MAF: variants seen among roughly 807,000 people sequenced by gnomAD.
MAF encodes MAF bZIP transcription factor.
A neutral mutation model predicts 22.0 loss-of-function variants in MAF; 10 were observed. The ratio of observed to expected loss-of-function variants is 0.45; its 90% CI spans 0.28 to 0.77. MAF has a LOEUF of 0.77. Ranked by LOEUF, MAF falls within the 30% of genes least tolerant of loss-of-function variation. The pLI is 0.12. For missense variants in MAF, 544 were observed against 548.4 expected (o/e 0.99, Z 0.08); for synonymous variants, 337 against 255.8 (o/e 1.32, Z -3.03).
the MAF span, among the ~76,000 whole-genome samples, chr16:79,232,695 A>T: frequency 6.6e-6 from 1 of 152,024 alleles, no homozygotes; most frequent in Non-Finnish European, 1.5e-5. Context: ...TTTGTTCTCC[A>T]TGATGCCCTA....
the MAF span, among the ~76,000 whole-genome samples, chr16:79,278,893 T>G: frequency 6.6e-6 from 1 of 152,050 alleles, no homozygotes; most frequent in Non-Finnish European, 1.5e-5. Context: ...AATGTGAAAG[T>G]AGGTGGTGTA....
At chr16:79,377,913 C>G in the MAF span, among the ~76,000 whole-genome samples, 2 of 152,240 alleles carry the variant, frequency 1.3e-5, no homozygotes, top group Admixed American at 1.3e-4. Context: ...CAGTACCATG[C>G]TGTTTTGGTT....
chr16:79,221,043 A>C, the MAF span, among the ~76,000 whole-genome samples: 1 of 152,226 alleles, frequency 6.6e-6, no homozygotes, highest in Admixed American at 6.5e-5. Flanking sequence ...GAAACAAGCT[A>C]AACTTTGGGT....
chr16:79,233,132 G>A, the MAF span, among the ~76,000 whole-genome samples: 1,458 of 152,006 alleles, frequency 9.6e-3, 30 homozygotes, highest in African/African-American at 0.033. Flanking sequence ...GAACCACCGC[G>A]CCCGGCCTTG....
the MAF span, among the ~76,000 whole-genome samples, chr16:79,224,725 CAA>C: frequency 2.6e-5 from 4 of 152,114 alleles, no homozygotes; most frequent in East Asian, 3.9e-4. Context: ...AATAGACAAA[CAA>C]GAGAGCAAAA....
At chr16:79,229,362 G>C in the MAF span, 1 of 151,808 alleles carries the variant, frequency 6.6e-6, no homozygotes, top group Non-Finnish European at 1.5e-5. Flanking sequence ...AGCAGGCATT[G>C]TGCAGGGTGT....
rs961707431 is a variant in MAF at position 79,597,591 on chromosome 16, T to C, written c.1118+1194A>G. 6 of 1,022,336 alleles carry C rather than the reference T, an allele frequency of 5.9e-6. No individual in the cohort carries two copies. In the African/African-American group the frequency reaches 8.5e-5, roughly 14 times the overall value. The allele number at this position is 1,022,336 out of a possible 1,614,324, so 63.3% of individuals were successfully genotyped here. On this transcript the variant is annotated intron_variant, in intron 1 of 1. Coordinates refer to ENST00000326043, the MANE Select transcript of MAF (RefSeq NM_005360.5). The stretch of plus-strand genomic sequence containing the variant: ...TCAGTGCATTGGGAGGTTGAAGTTC[T>C]GAGTAACTCAAAGCAGTTTTGGAGC...
the MAF span, among the ~76,000 whole-genome samples, chr16:79,321,051 C>T: frequency 2.0e-5 from 3 of 152,204 alleles, no homozygotes; most frequent in Non-Finnish European, 4.4e-5. Flanking sequence ...CTCACTCACA[C>T]ACTTGGTAGC....
chr16:79,542,248 C>T, the MAF span, among the ~76,000 whole-genome samples: 2 of 152,174 alleles, frequency 1.3e-5, no homozygotes, highest in African/African-American at 4.8e-5. Flanking sequence ...CAAGCGAGCT[C>T]CACGAAGCCT....
the MAF span, among the ~76,000 whole-genome samples, chr16:79,524,166 CT>C: frequency 1.3e-5 from 2 of 152,338 alleles, no homozygotes; most frequent in South Asian, 4.1e-4. Flanking sequence ...GATAAACCCT[CT>C]GATCCCTGTT....
At chr16:79,266,434 C>A in the MAF span, among the ~76,000 whole-genome samples, 2 of 151,932 alleles carry the variant, frequency 1.3e-5, no homozygotes, top group African/African-American at 4.8e-5. Flanking sequence ...GGGGTAGGTC[C>A]CAAAAGGCAA....
At chr16:79,415,492 G>A in the MAF span, among the ~76,000 whole-genome samples, 1 of 152,218 alleles carries the variant, frequency 6.6e-6, no homozygotes, top group Non-Finnish European at 1.5e-5. Flanking sequence ...AGAGCTATGT[G>A]TTGGGGCAGA....
At chr16:79,227,568 T>A in the MAF span, among the ~76,000 whole-genome samples, 1 of 151,990 alleles carries the variant, frequency 6.6e-6, no homozygotes, top group Non-Finnish European at 1.5e-5. Flanking sequence ...CCTATTAACC[T>A]TGAACATTCA....
chr16:79,332,088 G>C, the MAF span, among the ~76,000 whole-genome samples: 4 of 152,044 alleles, frequency 2.6e-5, no homozygotes, highest in South Asian at 2.1e-4. Flanking sequence ...GCACATGTTA[G>C]GTACTCGATA....
At chr16:79,341,626 T>A in the MAF span, among the ~76,000 whole-genome samples, 1 of 152,318 alleles carries the variant, frequency 6.6e-6, no homozygotes, top group Middle Eastern at 3.4e-3. Flanking sequence ...TCAGCTATTA[T>A]TATTAGGTTG....
At chr16:79,237,111 C>T in the MAF span, among the ~76,000 whole-genome samples, 1 of 151,974 alleles carries the variant, frequency 6.6e-6, no homozygotes, top group Non-Finnish European at 1.5e-5. Flanking sequence ...AAAATGTTTT[C>T]AAAGATTTCC....
the MAF span, among the ~76,000 whole-genome samples, chr16:79,281,261 G>A: frequency 2.0e-5 from 3 of 147,858 alleles, no homozygotes; most frequent in Non-Finnish European, 4.5e-5. Flanking sequence ...AATGAGCAAA[G>A]GGTATTAGGT....
At chr16:79,235,154 G>C in the MAF span, among the ~76,000 whole-genome samples, 3 of 152,048 alleles carry the variant, frequency 2.0e-5, no homozygotes, top group Admixed American at 2.0e-4. Context: ...AGCTCACCGG[G>C]AAAGTGGCAT....
At chr16:79,533,538 G>A in the MAF span, among the ~76,000 whole-genome samples, 17 of 152,260 alleles carry the variant, frequency 1.1e-4, no homozygotes, top group East Asian at 1.5e-3. Flanking sequence ...GGAAGACAGA[G>A]GAAGACGGCA....
Sources: gnomAD v4.1 joint callset for allele counts (sites outside exome capture counted in the v4.1 genomes callset) on GRCh38, gnomAD v4.1.1 for gene constraint, MANE v1.5 for transcripts, NCBI Gene and HGNC (gene_info 2026-07-23, HGNC 2026-07-21) for gene names.